SHROOM4: variants seen among roughly 807,000 people sequenced by gnomAD.
SHROOM4 encodes protein Shroom4.
In SHROOM4, 17 loss-of-function variants were observed where a neutral mutation model predicts 80.3. That is an observed-to-expected ratio of 0.21 (90% CI 0.14 to 0.32). The LOEUF (loss-of-function observed/expected upper bound fraction) is 0.32, where lower values mean the gene tolerates loss of function less well. Among genes scored for constraint, SHROOM4 ranks in the 10% least tolerant of loss-of-function variants. The probability of loss-of-function intolerance (pLI) is 1.00; values close to 1 mark genes in which losing one functional copy is unlikely to be tolerated. For synonymous variants in SHROOM4, 400 were observed against 437.5 expected (o/e 0.91, Z 1.07); for missense variants, 993 against 1,140.3 (o/e 0.87, Z 1.86).
intron 1 of SHROOM4, among the ~76,000 whole-genome samples, chrX:50,709,760 G>A (rs1933764405): frequency 1.8e-5 from 2 of 111,887 alleles, no homozygotes; most frequent in African/African-American, 6.5e-5. Flanking sequence ...CTGGCACAAG[G>A]GATCCTATTT....
rs919849508 is a variant in SHROOM4 at position 50,608,303 on chromosome X, A to G, written c.2958-119T>C. 1.0e-5 allele frequency: 6 copies of G among 574,538 alleles called. No individual in the cohort carries two copies. The African/African-American group carries it at 1.4e-4, about 13-fold the overall frequency. 47.3% of individuals were successfully genotyped at this position (574,538 alleles called of 1,213,427 possible). ...CACAAAACAATGTAGTATGTGTAGT[A>G]AATGTAATAATAGTAATAATAATAT... is the stretch of plus-strand genomic sequence containing the variant. On this transcript the variant is annotated intron_variant, in intron 5 of 8. Transcript: ENST00000376020.
chrX:50,708,746 G>A (rs1271339579), intron 1 of SHROOM4, among the ~76,000 whole-genome samples: 1 of 111,709 alleles, frequency 9.0e-6, no homozygotes, highest in Admixed American at 9.5e-5. Context: ...GATACATGCG[G>A]GAAGGATAAA....
At position 50,660,523 on chromosome X, in the gene SHROOM4, TCTCTCC is replaced by T. The variant is rs1258898999; in HGVS notation, c.270-22221_270-22216del. 2.5e-3 allele frequency among the ~76,000 whole-genome samples: 203 copies of T among 81,745 alleles called. 1 individual carries two copies. Among genetic ancestry groups the T allele is most frequent in the Non-Finnish European group, 3.7e-3 (156 of 42,663 alleles). 71.0% of individuals were successfully genotyped at this position (81,745 alleles called of 115,157 possible). On this transcript the variant is annotated intron_variant, in intron 2 of 8. Coordinates refer to ENST00000376020, the MANE Select transcript of SHROOM4 (RefSeq NM_020717.5). The stretch of plus-strand genomic sequence containing the variant: ...AGTGTTGAGCTTCTCTCTCTCTCTC[TCTCTCC>T]CTCCCTCCCTCCCTCCCTCTCTCTC...
intron 1 of SHROOM4, among the ~76,000 whole-genome samples, chrX:50,799,205 C>T: frequency 8.9e-6 from 1 of 112,966 alleles, no homozygotes; most frequent in East Asian, 2.8e-4. Flanking sequence ...CCAATGCCTG[C>T]AAAGGCTGGA....
intron 1 of SHROOM4, among the ~76,000 whole-genome samples, chrX:50,759,679 C>T (rs1306544168): frequency 9.0e-6 from 1 of 111,491 alleles, no homozygotes; most frequent in African/African-American, 3.3e-5. Flanking sequence ...ATTTTTTCTT[C>T]TTTTTAATAT....
At chrX:50,622,935 C>T (rs1157093425) in intron 5 of SHROOM4, among the ~76,000 whole-genome samples, 1 of 112,090 alleles carries the variant, frequency 8.9e-6, no homozygotes, top group African/African-American at 3.2e-5. Context: ...ACTTAGCTTG[C>T]GTCAGAATTG....
At chrX:50,674,845 G>A (rs1932835843) in intron 2 of SHROOM4, among the ~76,000 whole-genome samples, 1 of 111,693 alleles carries the variant, frequency 9.0e-6, no homozygotes, top group African/African-American at 3.2e-5. Flanking sequence ...CTGTCTTCAA[G>A]GAAATCATAG....
chrX:50,718,267 T>G (rs1387428670), intron 1 of SHROOM4, among the ~76,000 whole-genome samples: 1 of 112,032 alleles, frequency 8.9e-6, no homozygotes, highest in Non-Finnish European at 1.9e-5. Flanking sequence ...TTGTGAGAGA[T>G]AAGCTGGAAA....
rs782254190 is a variant in SHROOM4, at chrX:50,607,698, CTCCTCTTCCTCT to C, written c.3432_3443del (p.Glu1148_Glu1151del). ...CTTCCTCCTCCTCTGCCTCCTCCTC[CTCCTCTTCCTCT>C]TCCTCTTCTTCTTCTTCTTCCTCCT... On this transcript the variant is annotated inframe_deletion, in exon 6 of 9. Transcript: ENST00000376020. 1 of 1,188,603 alleles carries C rather than the reference CTCCTCTTCCTCT, an allele frequency of 8.4e-7. No individual in the cohort carries two copies. The highest frequency in any genetic ancestry group is 1.1e-6 in the Non-Finnish European group (1 of 880,790).
At chrX:50,650,248 G>A (rs972079314) in intron 2 of SHROOM4, among the ~76,000 whole-genome samples, 6 of 112,189 alleles carry the variant, frequency 5.3e-5, no homozygotes, top group Admixed American at 9.4e-5. Context: ...TTGTATCAGT[G>A]GGTATTTATC....
At chrX:50,797,019 T>C (rs1213192208) in intron 1 of SHROOM4, among the ~76,000 whole-genome samples, 1 of 81,470 alleles carries the variant, frequency 1.2e-5, no homozygotes, top group Non-Finnish European at 2.2e-5. Context: ...GTTGCTTTCT[T>C]GAGGAAAAGA....
intron 2 of SHROOM4, among the ~76,000 whole-genome samples, chrX:50,681,927 A>G (rs1456542030): frequency 9.0e-6 from 1 of 111,417 alleles, no homozygotes; most frequent in Non-Finnish European, 1.9e-5. Context: ...TCCTCCCTAC[A>G]TTACTGTTTC....
chrX:50,719,116 C>A (rs920179478), intron 1 of SHROOM4, among the ~76,000 whole-genome samples: 6 of 112,039 alleles, frequency 5.4e-5, no homozygotes, highest in Non-Finnish European at 7.5e-5. Context: ...CACAGTCACA[C>A]AATTATCTCA....
chrX:50,648,994 G>T (rs1314622684), intron 2 of SHROOM4, among the ~76,000 whole-genome samples: 1 of 111,792 alleles, frequency 8.9e-6, no homozygotes, highest in African/African-American at 3.3e-5. Context: ...GCATAGAGAA[G>T]TGAGTAAGCT....
chrX:50,653,032 A>G (rs934302773), intron 2 of SHROOM4, among the ~76,000 whole-genome samples: 78 of 111,416 alleles, frequency 7.0e-4, no homozygotes, highest in African/African-American at 2.3e-3. Context: ...TTTGCTTAGG[A>G]TTGTCTTGGC....
chrX:50,757,420 GT>G (rs1421199457), intron 1 of SHROOM4, among the ~76,000 whole-genome samples: 1 of 111,757 alleles, frequency 8.9e-6, no homozygotes, highest in Non-Finnish European at 1.9e-5. Context: ...ATTGGCCACT[GT>G]AGGTCCTCCA....
chrX:50,636,768 T>G (rs1931376613), intron 3 of SHROOM4, among the ~76,000 whole-genome samples: 1 of 112,022 alleles, frequency 8.9e-6, no homozygotes, highest in Non-Finnish European at 1.9e-5. Flanking sequence ...TAAAGTAAAC[T>G]GACAAACTCA....
At chrX:50,786,699 T>C in intron 1 of SHROOM4, among the ~76,000 whole-genome samples, 1 of 111,065 alleles carries the variant, frequency 9.0e-6, no homozygotes. Context: ...CTGGGATAGG[T>C]AGCCATTTAT....
At chrX:50,801,291 A>AGAGAGAGAGAGAG (rs782711842) in intron 1 of SHROOM4, among the ~76,000 whole-genome samples, 14 of 103,538 alleles carry the variant, frequency 1.4e-4, no homozygotes, top group Admixed American at 3.1e-4. Flanking sequence ...AGAGAGAGAG[A>AGAGAGAGAGAGAG]ACACGTACTG....
Sources: allele counts gnomAD v4.1 joint callset (sites outside exome capture counted in the v4.1 genomes callset), GRCh38; gene constraint gnomAD v4.1.1; transcripts MANE v1.5; gene names NCBI Gene and HGNC (gene_info 2026-07-23, HGNC 2026-07-21).